CSMD2: variants seen among roughly 807,000 people sequenced by gnomAD.
The protein encoded by CSMD2 is CUB and Sushi multiple domains 2, also known as CUB and sushi domain-containing protein 2.
In CSMD2, 130 loss-of-function variants were observed where a neutral mutation model predicts 398.5. That is an observed-to-expected ratio of 0.33 (90% CI 0.28 to 0.38). CSMD2 has a LOEUF of 0.38. Among genes scored for constraint, CSMD2 ranks in the 10% least tolerant of loss-of-function variants. CSMD2 has a pLI of 1.00. For missense variants in CSMD2, 3,829 were observed against 4,764.9 expected (o/e 0.80, Z 5.78); for synonymous variants, 1,828 against 1,908.5 (o/e 0.96, Z 1.10).
chr1:33,576,867 C>G (rs1316591621), intron 49 of CSMD2, among the ~76,000 whole-genome samples: 2 of 151,338 alleles, frequency 1.3e-5, no homozygotes, highest in African/African-American at 4.9e-5. Context: ...AAAAAACTGT[C>G]ATAAATCATA....
chr1:33,975,537 C>G (rs1645930627), intron 3 of CSMD2, among the ~76,000 whole-genome samples: 1 of 133,240 alleles, frequency 7.5e-6, no homozygotes, highest in African/African-American at 2.7e-5. Context: ...CCCAAGTCCA[C>G]CGATTAGGGA....
chr1:33,773,704 G>A (rs1054162989), intron 12 of CSMD2, among the ~76,000 whole-genome samples: 7 of 152,160 alleles, frequency 4.6e-5, no homozygotes, highest in South Asian at 2.1e-4. Flanking sequence ...CTCTGTTTCC[G>A]GGGAGAAGGG....
At chr1:34,105,286 C>T (rs753931302) in intron 1 of CSMD2, among the ~76,000 whole-genome samples, 8 of 152,258 alleles carry the variant, frequency 5.3e-5, no homozygotes, top group Middle Eastern at 3.4e-3. Context: ...TGTTTAGCAG[C>T]GTCCCTGACC....
intron 22 of CSMD2, among the ~76,000 whole-genome samples, chr1:33,705,822 T>C (rs1055400606): frequency 5.9e-5 from 9 of 152,168 alleles, no homozygotes; most frequent in African/African-American, 2.2e-4. Flanking sequence ...TTTTCTTATT[T>C]CCATAATCTC....
At chr1:33,600,760 A>C (rs1640157252) in intron 44 of CSMD2, 105 bp downstream of exon 44, 1 of 1,156,702 alleles carries the variant, frequency 8.6e-7, no homozygotes, top group South Asian at 1.4e-5. Flanking sequence ...GAGGTTATAC[A>C]ACTCACTCAA....
rs1018382607 is a variant in CSMD2, at chr1:33,936,659, C to T, written c.518-705G>A. On this transcript the variant is annotated intron_variant, in intron 3 of 70. Coordinates refer to ENST00000373381, the MANE Select transcript of CSMD2 (RefSeq NM_001281956.2). ...AGAGGAAATGGTCTTGGGGAAGGTGCAAGAGCACCATGACCTGGCAATAAG... is the reference window on the plus strand; with the variant it reads ...AGAGGAAATGGTCTTGGGGAAGGTGTAAGAGCACCATGACCTGGCAATAAG... Among the ~76,000 whole-genome samples the T allele has an allele frequency of 3.9e-5, 6 of 152,220 alleles. No individual in the cohort carries two copies. The South Asian group carries it at 8.3e-4, about 21-fold the overall frequency.
intron 25 of CSMD2, among the ~76,000 whole-genome samples, chr1:33,673,346 T>G (rs1644582991): frequency 1.3e-5 from 2 of 151,946 alleles, no homozygotes; most frequent in Non-Finnish European, 2.9e-5. Flanking sequence ...CGTTCAACTG[T>G]AAGAAAGGGT....
At chr1:33,724,493 C>T (rs1415668221) in intron 18 of CSMD2, 23 bp downstream of exon 18, 11 of 1,605,198 alleles carry the variant, frequency 6.9e-6, no homozygotes, top group South Asian at 1.1e-5. Context: ...GCTACTTTAG[C>T]GCCCCCTCAT....
In CSMD2 at chr1:33,648,951, T is replaced by C. The variant is rs149071322; in HGVS notation, c.4587-2116A>G. Among the ~76,000 whole-genome samples the C allele has an allele frequency of 3.3e-3, 504 of 152,342 alleles. 9 individuals carry two copies. The highest frequency in any genetic ancestry group is 0.011 in the African/African-American group (466 of 41,578). ...TAAATTACCAGGACCCTCTGTTCTT[T>C]AGGGATGGACAAAATGACTGGAATA... On this transcript the variant is annotated intron_variant, in intron 28 of 70. Transcript: ENST00000373381.
chr1:33,686,023 A>G (rs1248633751), intron 25 of CSMD2, among the ~76,000 whole-genome samples: 1 of 152,222 alleles, frequency 6.6e-6, no homozygotes, highest in Non-Finnish European at 1.5e-5. Flanking sequence ...ACATGTTCCA[A>G]TCCCACATTA....
chr1:33,684,887 A>T (rs1645018041), intron 25 of CSMD2, among the ~76,000 whole-genome samples: 1 of 152,240 alleles, frequency 6.6e-6, no homozygotes, highest in Admixed American at 6.5e-5. Flanking sequence ...CATTCATCAC[A>T]TTATCTTAGA....
intron 3 of CSMD2, among the ~76,000 whole-genome samples, chr1:33,984,161 CA>C (rs5773446): frequency 0.55 from 80,759 of 145,894 alleles, 22,680 homozygotes; most frequent in East Asian, 0.84. Context: ...CTCCCCCCAC[CA>C]AAAAAAAAAA....
In CSMD2 at chr1:33,546,169, G is replaced by C; in HGVS notation, c.8968C>G (p.Arg2990Gly). The C allele has an allele frequency of 6.2e-7, 1 of 1,614,170 alleles. No homozygotes were observed. The highest frequency in any genetic ancestry group is 1.1e-5 in the South Asian group (1 of 91,084). Residue 2990 changes from arginine to glycine, a missense_variant, in exon 57 of 71, where the codon CGT (arginine) becomes GGT (glycine). By Grantham distance (125) the Arg-to-Gly change is moderately radical. Coordinates refer to ENST00000373381, the MANE Select transcript of CSMD2 (RefSeq NM_001281956.2). ...CCTGGATCAAAGCTGTCCCCCAAAC[G>C]GATGCCATGAGCCGGGATCCCAGGG... ...GDPGIPAHGI[R>G]LGDSFDPGTV...
chr1:33,867,878 C>G (rs1213543234), intron 5 of CSMD2, among the ~76,000 whole-genome samples: 1 of 152,096 alleles, frequency 6.6e-6, no homozygotes, highest in Admixed American at 6.5e-5. Context: ...ACAGCTAGGC[C>G]CCAGCTCTCA....
At chr1:33,964,061 T>C (rs1645467396) in intron 3 of CSMD2, among the ~76,000 whole-genome samples, 1 of 152,168 alleles carries the variant, frequency 6.6e-6, no homozygotes, top group Non-Finnish European at 1.5e-5. Flanking sequence ...TCCCTGAGGG[T>C]GCAGATTTTT....
rs778145859 is a variant in CSMD2 at position 33,567,664 on chromosome 1, C to A, written c.8309G>T (p.Arg2770Leu). ...SVVYQCNAGF[R>L]LIGMSVRICQ... ...GATGCGCACAGACATGCCGATCAGG[C>A]GGAAGCCAGCATTGCATTGGTACAC... The change falls in exon 53 of 71, where the codon CGC (arginine) becomes CTC (leucine). Residue 2770 changes from arginine (R) to leucine (L), a missense_variant. Coordinates refer to ENST00000373381, the MANE Select transcript of CSMD2 (RefSeq NM_001281956.2). 1.2e-6 allele frequency: 2 copies of A among 1,614,124 alleles called. No individual in the cohort carries two copies. Among genetic ancestry groups the A allele is most frequent in the East Asian group, 4.5e-5 (2 of 44,876 alleles).
intron 14 of CSMD2, among the ~76,000 whole-genome samples, chr1:33,742,441 T>C (rs1314001894): frequency 6.6e-6 from 1 of 152,158 alleles, no homozygotes; most frequent in Non-Finnish European, 1.5e-5. Flanking sequence ...TCTAGTTAAT[T>C]GCTCAGATGG....
At chr1:34,015,070 C>T (rs190310686) in intron 3 of CSMD2, among the ~76,000 whole-genome samples, 4 of 152,336 alleles carry the variant, frequency 2.6e-5, no homozygotes, top group East Asian at 1.9e-4. Flanking sequence ...GAAGGAAGTC[C>T]TCCTGTATCT....
chr1:34,093,842 T>C (rs1479682279), intron 1 of CSMD2, among the ~76,000 whole-genome samples: 7 of 152,110 alleles, frequency 4.6e-5, no homozygotes, highest in Middle Eastern at 3.2e-3. Flanking sequence ...CTGCAGGATA[T>C]TATCCCGGAG....
Sources: allele counts gnomAD v4.1 joint callset (sites outside exome capture counted in the v4.1 genomes callset), GRCh38; gene constraint gnomAD v4.1.1; transcripts MANE v1.5; gene names NCBI Gene and HGNC (gene_info 2026-07-23, HGNC 2026-07-21).